Variants in EDIL3 observed in about 807,000 individuals in gnomAD.
The protein encoded by EDIL3 is EGF like and discoidin domains 3, also known as EGF-like repeat and discoidin I-like domain-containing protein 3.
EDIL3 carries 37 observed loss-of-function variants against 67.4 expected under a neutral mutation model. That is an observed-to-expected ratio of 0.55 (90% confidence interval 0.42 to 0.72). The LOEUF is 0.72. Among genes scored for constraint, EDIL3 ranks in the 30% least tolerant of loss-of-function variants. EDIL3 has a pLI of 0.00. For missense variants in EDIL3, 527 were observed against 586.3 expected (o/e 0.90, Z 1.04); for synonymous variants, 195 against 196.3 (o/e 0.99, Z 0.05).
intron 1 of EDIL3, among the ~76,000 whole-genome samples, chr5:84,302,444 C>T (rs1049706098): frequency 6.6e-6 from 1 of 152,098 alleles, no homozygotes; most frequent in African/African-American, 2.4e-5. Flanking sequence ...CTACAGGCGC[C>T]TGACACCACA....
At chr5:84,154,578 A>C (rs975970260) in intron 4 of EDIL3, among the ~76,000 whole-genome samples, 1 of 142,490 alleles carries the variant, frequency 7.0e-6, no homozygotes, top group African/African-American at 2.6e-5. Context: ...GGAATATTTA[A>C]TTTTTTTTTT....
intron 1 of EDIL3, among the ~76,000 whole-genome samples, chr5:84,275,894 C>A (rs1335359828): frequency 6.6e-6 from 1 of 152,182 alleles, no homozygotes; most frequent in Non-Finnish European, 1.5e-5. Flanking sequence ...TTTCTTGTCA[C>A]ATAGATCTAT....
At chr5:84,179,699 C>T (rs1748982384) in intron 4 of EDIL3, among the ~76,000 whole-genome samples, 1 of 152,152 alleles carries the variant, frequency 6.6e-6, no homozygotes, top group South Asian at 2.1e-4. Context: ...ACTCAGCTTG[C>T]ATGTGGCAAC....
chr5:84,300,735 G>C (rs1746141848), intron 1 of EDIL3, among the ~76,000 whole-genome samples: 1 of 151,986 alleles, frequency 6.6e-6, no homozygotes, highest in South Asian at 2.1e-4. Flanking sequence ...ATTTATAATT[G>C]CCTCAAAACT....
At chr5:84,294,998 T>C (rs1746014361) in intron 1 of EDIL3, among the ~76,000 whole-genome samples, 1 of 152,172 alleles carries the variant, frequency 6.6e-6, no homozygotes, top group Admixed American at 6.5e-5. Context: ...TACTTACACA[T>C]TTCAGCAAAG....
At chr5:84,221,670 G>T (rs942164441) in intron 3 of EDIL3, among the ~76,000 whole-genome samples, 4 of 151,850 alleles carry the variant, frequency 2.6e-5, no homozygotes, top group African/African-American at 4.8e-5. Context: ...GTTCCTCTGA[G>T]AATCTACAAA....
intron 6 of EDIL3, among the ~76,000 whole-genome samples, chr5:84,093,686 G>A (rs958170151): frequency 1.0e-4 from 15 of 149,404 alleles, no homozygotes; most frequent in Non-Finnish European, 1.6e-4. Context: ...TTCAGACGGG[G>A]TCTCGCTCTG....
chr5:84,089,149 A>G (rs908178141), intron 6 of EDIL3, among the ~76,000 whole-genome samples: 3 of 152,090 alleles, frequency 2.0e-5, no homozygotes, highest in Non-Finnish European at 4.4e-5. Context: ...ATGTCACTCA[A>G]CCTCCCACTC....
intron 10 of EDIL3, among the ~76,000 whole-genome samples, chr5:83,949,616 A>T (rs1744371511): frequency 6.6e-6 from 1 of 151,838 alleles, no homozygotes; most frequent in African/African-American, 2.4e-5. Context: ...CTTGAAGTAA[A>T]TTGCTGACCA....
chr5:84,172,223 C>T (rs1160317644), intron 4 of EDIL3, among the ~76,000 whole-genome samples: 3 of 152,102 alleles, frequency 2.0e-5, no homozygotes, highest in African/African-American at 7.2e-5. Flanking sequence ...CTTTATTTCA[C>T]CAATATTTTT....
At chr5:83,969,303 C>A (rs1744751022) in intron 9 of EDIL3, among the ~76,000 whole-genome samples, 1 of 151,648 alleles carries the variant, frequency 6.6e-6, no homozygotes, top group East Asian at 1.9e-4. Flanking sequence ...CAATCATAGT[C>A]CTTTCATCCT....
chr5:84,066,553 C>G lies in EDIL3; in HGVS notation c.705G>C (p.Lys235Asn). ...RVTGVITQGA[K>N]RIGSPEYIKS... ...TTATATACTCTGGGCTTCCAATCCTCTTGGCTCCTTGGGTAATCACACCAG... is the reference window on the plus strand; with the variant it reads ...TTATATACTCTGGGCTTCCAATCCTGTTGGCTCCTTGGGTAATCACACCAG... The change falls in exon 7 of 11, where the codon AAG becomes AAC. Residue 235 changes from lysine to asparagine, a missense_variant. Lys to Asn is a moderately conservative substitution (Grantham distance 94). Transcript: ENST00000296591. The G allele has an allele frequency of 6.2e-7, 1 of 1,613,616 alleles. No individual in the cohort carries two copies. The highest frequency in any genetic ancestry group is 8.5e-7 in the Non-Finnish European group (1 of 1,179,862).
At chr5:83,975,047 G>A (rs906115867) in intron 9 of EDIL3, among the ~76,000 whole-genome samples, 11 of 151,996 alleles carry the variant, frequency 7.2e-5, no homozygotes, top group African/African-American at 1.4e-4. Context: ...CCTACAGTAC[G>A]ATGTGGCCTG....
At chr5:84,063,441 G>T (rs1485412187) in intron 8 of EDIL3, among the ~76,000 whole-genome samples, 3 of 152,036 alleles carry the variant, frequency 2.0e-5, no homozygotes, top group African/African-American at 4.8e-5. Flanking sequence ...GAAAATTAAT[G>T]GTACTAAAGC....
chr5:84,243,744 T>C (rs1293453531), intron 2 of EDIL3, among the ~76,000 whole-genome samples: 1 of 152,236 alleles, frequency 6.6e-6, no homozygotes, highest in Non-Finnish European at 1.5e-5. Context: ...TCCCTATTTT[T>C]CTTTCCAGGC....
chr5:84,289,587 C>T (rs1344099168), intron 1 of EDIL3, among the ~76,000 whole-genome samples: 3 of 152,246 alleles, frequency 2.0e-5, no homozygotes, highest in East Asian at 1.9e-4. Flanking sequence ...AAAAGGAACA[C>T]CCAGAGCCCC....
chr5:84,133,186 T>TATAGTTTAAA (rs1379690973), intron 5 of EDIL3, among the ~76,000 whole-genome samples: 1 of 152,172 alleles, frequency 6.6e-6, no homozygotes, highest in Non-Finnish European at 1.5e-5. Context: ...TTGCACTTAA[T>TATAGTTTAAA]CTAGTTTAAA....
chr5:84,050,325 AT>A (rs1239037669), intron 9 of EDIL3, among the ~76,000 whole-genome samples: 2 of 152,102 alleles, frequency 1.3e-5, no homozygotes, highest in African/African-American at 4.8e-5. Context: ...TTAAAATGAG[AT>A]TTGAGGCAGT....
chr5:84,382,230 A>C (rs1748091728), intron 1 of EDIL3, among the ~76,000 whole-genome samples: 1 of 152,234 alleles, frequency 6.6e-6, no homozygotes, highest in Admixed American at 6.5e-5. Context: ...TGGAGCATCC[A>C]GCTTCCCGAG....
Sources: allele counts gnomAD v4.1 joint callset (sites outside exome capture counted in the v4.1 genomes callset), GRCh38; gene constraint gnomAD v4.1.1; transcripts MANE v1.5; gene names NCBI Gene and HGNC (gene_info 2026-07-23, HGNC 2026-07-21).